MYRIP: variants seen among roughly 807,000 people sequenced by gnomAD.
The protein encoded by MYRIP is rab effector MyRIP.
In MYRIP, 49 loss-of-function variants were observed where a neutral mutation model predicts 98.0. That is an observed-to-expected ratio of 0.50 (90% CI 0.40 to 0.63). The LOEUF (loss-of-function observed/expected upper bound fraction) is 0.63. Ranked by LOEUF, MYRIP falls within the 30% of genes least tolerant of loss-of-function variation. The pLI is 0.00. For missense variants in MYRIP, 1,004 were observed against 1,058.2 expected (o/e 0.95, Z 0.71); for synonymous variants, 404 against 409.5 (o/e 0.99, Z 0.16).
chr3:40,121,900 T>C (rs1486312102), intron 3 of MYRIP, among the ~76,000 whole-genome samples: 1 of 152,280 alleles, frequency 6.6e-6, no homozygotes, highest in Non-Finnish European at 1.5e-5. Context: ...ATGTCCCCAA[T>C]AGTATATGTT....
intron 1 of MYRIP, among the ~76,000 whole-genome samples, chr3:39,849,179 C>A (rs1012558303): frequency 3.3e-5 from 5 of 152,192 alleles, no homozygotes; most frequent in African/African-American, 7.2e-5. Flanking sequence ...TGATGGGCTA[C>A]AACTTGCCTT....
At position 40,190,302 on chromosome 3, in the gene MYRIP, T is replaced by C. The variant is rs201659617; in HGVS notation, c.1504T>C (p.Leu502=). ...GELDVNFNPQ[L]ASRETSDSSE... ...GCTGGACGTGAACTTCAACCCCCAGTTGGCCAGCAGGGAGACCTCGGACAG... is the reference window on the plus strand; with the variant it reads ...GCTGGACGTGAACTTCAACCCCCAGCTGGCCAGCAGGGAGACCTCGGACAG... Residue 502 remains leucine (L), a synonymous_variant, in exon 10 of 17, where the codon TTG becomes CTG. Transcript: ENST00000302541. 9 of 1,613,832 alleles carry C rather than the reference T, an allele frequency of 5.6e-6. No homozygotes were observed. The East Asian group carries it at 1.6e-4, about 28-fold the overall frequency.
intron 1 of MYRIP, among the ~76,000 whole-genome samples, chr3:39,826,364 T>C (rs980786486): frequency 1.3e-5 from 2 of 152,184 alleles, no homozygotes; most frequent in Non-Finnish European, 2.9e-5. Flanking sequence ...GTTGTGTTTC[T>C]GTTCTCATTT....
chr3:40,218,619 TATA>T lies in MYRIP; in HGVS notation c.1905+8527_1905+8529del, dbSNP rs1952212807. ...CACACATATATATATATTTTATATA[TATA>T]TATATATATATATATATATATATAT... On this transcript the variant is annotated intron_variant, in intron 11 of 16. Transcript: ENST00000302541. 2.3e-3 allele frequency among the ~76,000 whole-genome samples: 40 copies of T among 17,546 alleles called. No homozygotes were observed. In the South Asian group the frequency reaches 0.047, roughly 21 times the overall value. 11.5% of individuals were successfully genotyped at this position (17,546 alleles called of 152,430 possible).
chr3:39,894,847 G>A (rs904865962), intron 1 of MYRIP, among the ~76,000 whole-genome samples: 33 of 152,130 alleles, frequency 2.2e-4, no homozygotes, highest in Non-Finnish European at 4.3e-4. Context: ...GATTGAAATG[G>A]CTGGCTCAGT....
intron 3 of MYRIP, among the ~76,000 whole-genome samples, chr3:40,078,159 C>T (rs1028217769): frequency 6.6e-6 from 1 of 152,230 alleles, no homozygotes; most frequent in Non-Finnish European, 1.5e-5. Context: ...CCTCCGCAGC[C>T]GCTGGCCCGG....
intron 11 of MYRIP, among the ~76,000 whole-genome samples, chr3:40,227,070 C>T (rs1952510707): frequency 6.6e-6 from 1 of 152,210 alleles, no homozygotes; most frequent in African/African-American, 2.4e-5. Context: ...CAGATCTTAC[C>T]TTCTGCTACC....
At chr3:39,989,930 G>C (rs1946132137) in intron 2 of MYRIP, among the ~76,000 whole-genome samples, 1 of 152,216 alleles carries the variant, frequency 6.6e-6, no homozygotes, top group African/African-American at 2.4e-5. Context: ...TTAGAGCTTA[G>C]TTTGTTAGGC....
At chr3:39,906,585 T>C (rs1943883966) in intron 2 of MYRIP, among the ~76,000 whole-genome samples, 1 of 152,222 alleles carries the variant, frequency 6.6e-6, no homozygotes, top group South Asian at 2.1e-4. Context: ...ATCTATGTCA[T>C]ATGACTTTTT....
At chr3:39,878,124 T>TCCGTGGGCGTAGGACCCTCCGAG (rs1401681675) in intron 1 of MYRIP, among the ~76,000 whole-genome samples, 40 of 152,312 alleles carry the variant, frequency 2.6e-4, no homozygotes, top group African/African-American at 9.4e-4. Context: ...TCAGCGAGAC[T>TCCGTGGGCGTAGGACCCTCCGAG]CCGTGGGCGT....
intron 12 of MYRIP, among the ~76,000 whole-genome samples, chr3:40,236,419 G>A (rs577030586): frequency 1.3e-5 from 2 of 152,334 alleles, no homozygotes; most frequent in Admixed American, 1.3e-4. Flanking sequence ...AGAGGCACCT[G>A]GCCTGGAGGA....
chr3:39,821,414 A>G (rs1941099416), intron 1 of MYRIP, among the ~76,000 whole-genome samples: 1 of 152,100 alleles, frequency 6.6e-6, no homozygotes, highest in Admixed American at 6.5e-5. Context: ...GACTTTCCAA[A>G]GAACCAACTT....
intron 2 of MYRIP, among the ~76,000 whole-genome samples, chr3:39,942,306 A>G (rs1306107312): frequency 6.6e-6 from 1 of 152,136 alleles, no homozygotes; most frequent in Non-Finnish European, 1.5e-5. Context: ...TCTAAGAAGC[A>G]GTAAACTCTT....
chr3:40,108,956 C>G (rs1270876760), intron 3 of MYRIP, among the ~76,000 whole-genome samples: 2 of 152,154 alleles, frequency 1.3e-5, no homozygotes, highest in East Asian at 3.9e-4. Flanking sequence ...TTCCCCTGCC[C>G]CAATCACCCC....
At position 40,188,039 on chromosome 3, in the gene MYRIP, C is replaced by G. The variant is rs545065947; in HGVS notation, c.1028-1787C>G. Among the ~76,000 whole-genome samples the G allele has an allele frequency of 1.8e-4, 27 of 152,298 alleles. No individual in the cohort carries two copies. The South Asian group carries it at 5.0e-3, about 28-fold the overall frequency. On this transcript the variant is annotated intron_variant, in intron 9 of 16. Transcript: ENST00000302541. ...CCCACTGCCAGGGACCAGCGTCCTC[C>G]TCGTCAGTGAAAGCCCCACTTCCTG...
At chr3:39,899,233 G>T (rs534501560) in intron 1 of MYRIP, among the ~76,000 whole-genome samples, 1 of 152,098 alleles carries the variant, frequency 6.6e-6, no homozygotes, top group African/African-American at 2.4e-5. Context: ...CATGTATTCT[G>T]TACATGTGGT....
At position 40,182,392 on chromosome 3, in the gene MYRIP, A is replaced by G. The variant is rs779863857; in HGVS notation, c.1027+19A>G. 6.2e-7 allele frequency: 1 copy of G among 1,604,218 alleles called. No homozygotes were observed. Among genetic ancestry groups the G allele is most frequent in the East Asian group, 2.2e-5 (1 of 44,506 alleles). On this transcript the variant is annotated intron_variant, in intron 9 of 16. Coordinates refer to ENST00000302541, the MANE Select transcript of MYRIP (RefSeq NM_015460.4). Reference sequence around the variant, plus strand: ...GAAACAAGTAACTGTTTTAAGCAGTATCTAGTTGGTCTGTGGGTTTCAAAA... The same window carrying G: ...GAAACAAGTAACTGTTTTAAGCAGTGTCTAGTTGGTCTGTGGGTTTCAAAA...
chr3:40,083,373 G>T (rs1948523457), intron 3 of MYRIP, among the ~76,000 whole-genome samples: 1 of 151,924 alleles, frequency 6.6e-6, no homozygotes, highest in African/African-American at 2.4e-5. Flanking sequence ...AAGGGAAGAA[G>T]CACAGTCCTG....
intron 8 of MYRIP, among the ~76,000 whole-genome samples, chr3:40,170,874 C>G (rs1038915468): frequency 6.6e-6 from 1 of 152,104 alleles, no homozygotes; most frequent in African/African-American, 2.4e-5. Context: ...TACCCCATCC[C>G]CACTAGGGGT....
Sources: gnomAD v4.1 joint callset for allele counts (sites outside exome capture counted in the v4.1 genomes callset) on GRCh38, gnomAD v4.1.1 for gene constraint, MANE v1.5 for transcripts, NCBI Gene and HGNC (gene_info 2026-07-23, HGNC 2026-07-21) for gene names.